DENND10: variants seen among roughly 807,000 people sequenced by gnomAD.
DENND10 encodes DENN domain containing 10.
Under a neutral mutation model 43.6 loss-of-function variants are expected in DENND10, and 24 were observed. That is an observed-to-expected ratio of 0.55 (90% CI 0.40 to 0.77). The LOEUF (loss-of-function observed/expected upper bound fraction) is 0.77, where lower values mean the gene tolerates loss of function less well. Among genes scored for constraint, DENND10 ranks in the 30% least tolerant of loss-of-function variants. The pLI is 0.00. For synonymous variants in DENND10, 125 were observed against 157.6 expected (o/e 0.79, Z 1.55); for missense variants, 303 against 429.9 (o/e 0.70, Z 2.61).
Position 119,132,696 on chromosome 10 carries a change from G to A in DENND10, c.897+87G>A. On this transcript the variant is annotated intron_variant, in intron 8 of 8. Transcript: ENST00000361432. This position sits in a 1 kb window ranked among gnomAD's most constrained non-coding sequence, Gnocchi z 4.2. ...GCAGAGCTGTGCACATAAGCAGAGT[G>A]GGGGGCTGTGGTAGAGGCCAGCGGG... The A allele has an allele frequency of 1.8e-6, 2 of 1,084,352 alleles. No individual in the cohort carries two copies. Among genetic ancestry groups the A allele is most frequent in the East Asian group, 2.4e-5 (1 of 42,390 alleles). The allele number at this position is 1,084,352 out of a possible 1,614,324, so 67.2% of individuals were successfully genotyped here. A position where few individuals can be genotyped will look rare whatever the true frequency, so the allele number is the denominator to read the frequency against.
chr10:119,131,255 G>A (rs977944535), intron 7 of DENND10, among the ~76,000 whole-genome samples: 81 of 152,228 alleles, frequency 5.3e-4, no homozygotes, highest in Non-Finnish European at 2.4e-4. Context: ...TCAGGAGATC[G>A]GGACCAGCCT....
chr10:119,127,896 C>T (rs954260693), intron 6 of DENND10, among the ~76,000 whole-genome samples: 2 of 152,298 alleles, frequency 1.3e-5, no homozygotes, highest in East Asian at 1.9e-4. Context: ...TTCCAAAGTG[C>T]TGGGATTACA....
chr10:119,130,685 C>T (rs1241282667), intron 7 of DENND10, among the ~76,000 whole-genome samples: 1 of 152,148 alleles, frequency 6.6e-6, no homozygotes, highest in African/African-American at 2.4e-5. Context: ...TCACGATATC[C>T]CAGAGCCACA....
intron 1 of DENND10, among the ~76,000 whole-genome samples, chr10:119,107,724 AG>A (rs1844766234): frequency 6.6e-6 from 1 of 152,196 alleles, no homozygotes; most frequent in Non-Finnish European, 1.5e-5. Context: ...CATATCTCTA[AG>A]GCTGAATTTT....
chr10:119,132,782 G>T lies in DENND10; in HGVS notation c.897+173G>T. The stretch of plus-strand genomic sequence containing the variant: ...GATGATGGACAAGCAGGTGCAGGCT[G>T]GCCTGATCTAGTTAGTTACTGGGCT... On this transcript the variant is annotated intron_variant, in intron 8 of 8. Coordinates refer to ENST00000361432, the MANE Select transcript of DENND10 (RefSeq NM_207009.4). This position sits in a 1 kb window ranked among gnomAD's most constrained non-coding sequence, Gnocchi z 4.2. 1 of 628,398 alleles carries T rather than the reference G, an allele frequency of 1.6e-6. No individual in the cohort carries two copies. Among genetic ancestry groups the T allele is most frequent in the Non-Finnish European group, 2.9e-6 (1 of 350,762 alleles). 38.9% of individuals were successfully genotyped at this position (628,398 alleles called of 1,614,324 possible). A position where few individuals can be genotyped will look rare whatever the true frequency, so the allele number is the denominator to read the frequency against.
At chr10:119,135,791 T>TAAAAAAAAAAAAAAAAAAAAAAAAAAAAA (rs367836571) in intron 8 of DENND10, among the ~76,000 whole-genome samples, 5 of 64,020 alleles carry the variant, frequency 7.8e-5, no homozygotes, top group Admixed American at 2.5e-4. Flanking sequence ...ACTAAAATTG[T>TAAAAAAAAAAAAAAAAAAAAAAAAAAAAA]AAAAAAAAAA....
In DENND10 at chr10:119,132,387, A is replaced by C. The variant is rs184104422; in HGVS notation, c.803-128A>C. 1.9e-5 allele frequency: 14 copies of C among 725,560 alleles called. No individual in the cohort carries two copies. In the East Asian group the frequency reaches 2.7e-4, roughly 14 times the overall value. The allele number at this position is 725,560 out of a possible 1,614,324, so 44.9% of individuals were successfully genotyped here. A position where few individuals can be genotyped will look rare whatever the true frequency, so the allele number is the denominator to read the frequency against. ...TGTCATATTTGTGTCTAGTGATAAA[A>C]TGGACATGTGGGAGGTTATCAGCTG... On this transcript the variant is annotated intron_variant, in intron 7 of 8. Transcript: ENST00000361432. The surrounding 1 kb of genome is among the most constrained non-coding windows in gnomAD (Gnocchi z 4.2).
At position 119,132,909 on chromosome 10, in the gene DENND10, ATTCT is replaced by A; in HGVS notation, c.897+306_897+309del. The A allele has an allele frequency of 2.8e-6, 1 of 362,524 alleles. No individual in the cohort carries two copies. Among genetic ancestry groups the A allele is most frequent in the Admixed American group, 4.3e-5 (1 of 23,524 alleles). The allele number at this position is 362,524 out of a possible 1,614,324, so 22.5% of individuals were successfully genotyped here. On this transcript the variant is annotated intron_variant, in intron 8 of 8. Coordinates refer to ENST00000361432, the MANE Select transcript of DENND10 (RefSeq NM_207009.4). The surrounding 1 kb of genome is among the most constrained non-coding windows in gnomAD (Gnocchi z 4.2). ...AAGGCTTTTCTGGGCCAGCCAGTGCATTCTTTCTTCCTAGGAGAATTTCCCTGGA... is the reference window on the plus strand; with the variant it reads ...AAGGCTTTTCTGGGCCAGCCAGTGCATTCTTCCTAGGAGAATTTCCCTGGA...
rs1564798372 is a variant in DENND10 at position 119,129,499 on chromosome 10, C to T, written c.695-16C>T. The T allele has an allele frequency of 6.3e-7, 1 of 1,579,404 alleles. No homozygotes were observed. The highest frequency in any genetic ancestry group is 8.7e-7 in the Non-Finnish European group (1 of 1,148,416). On this transcript the variant is annotated splice_polypyrimidine_tract_variant and intron_variant, in intron 6 of 8. Transcript: ENST00000361432. ...TTCTTCCTACTCCAGTAAGGTTGCT[C>T]ATGTTTGTGATGCAGGTTACGTCGC... is the stretch of plus-strand genomic sequence containing the variant.
At position 119,120,386 on chromosome 10, in the gene DENND10, C is replaced by T. The variant is rs1394245750; in HGVS notation, c.527C>T (p.Ala176Val). ...FGMETVILHT[A>V]LMLKKRIVVY... ...ATGGAAACTGTTATCTTACACACAGCACTGATGCTAAAGAAAAGAATTGTG... is the reference window on the plus strand; with the variant it reads ...ATGGAAACTGTTATCTTACACACAGTACTGATGCTAAAGAAAAGAATTGTG... The change falls in exon 5 of 9, where the codon GCA becomes GTA. Residue 176 changes from alanine to valine, a missense_variant. Physicochemically the swap from Ala to Val is moderately conservative, Grantham distance 64. Coordinates refer to ENST00000361432, the MANE Select transcript of DENND10 (RefSeq NM_207009.4). The T allele has an allele frequency of 8.1e-6, 13 of 1,613,168 alleles. No individual in the cohort carries two copies. Among genetic ancestry groups the T allele is most frequent in the Non-Finnish European group, 1.1e-5 (13 of 1,179,114 alleles).
chr10:119,104,271 C>T, intron 1 of DENND10, 74 bp downstream of exon 1: 1 of 1,390,572 alleles, frequency 7.2e-7, no homozygotes, highest in Non-Finnish European at 9.5e-7. Context: ...CCGGGGCAGC[C>T]CGGGCTCCCG....
chr10:119,106,358 C>T (rs1319343893), intron 1 of DENND10, among the ~76,000 whole-genome samples: 1 of 152,124 alleles, frequency 6.6e-6, no homozygotes, highest in East Asian at 1.9e-4. Flanking sequence ...TATTTGTAGT[C>T]TTTAGAGACA....
intron 6 of DENND10, among the ~76,000 whole-genome samples, chr10:119,123,963 G>T (rs1334244368): frequency 6.6e-6 from 1 of 150,800 alleles, no homozygotes; most frequent in African/African-American, 2.4e-5. Context: ...AGGCCAAGGT[G>T]GGCAGATCAC....
chr10:119,109,510 T>C (rs1054608694), intron 2 of DENND10, among the ~76,000 whole-genome samples: 6 of 152,194 alleles, frequency 3.9e-5, no homozygotes, highest in Non-Finnish European at 7.3e-5. Context: ...GAATACCAGC[T>C]TAAATTTTAA....
At chr10:119,110,947 T>C (rs944154025) in intron 2 of DENND10, among the ~76,000 whole-genome samples, 5 of 152,108 alleles carry the variant, frequency 3.3e-5, no homozygotes, top group Non-Finnish European at 7.4e-5. Context: ...TTAGAATAAT[T>C]TGAATGTTTT....
chr10:119,117,463 CTG>C, intron 3 of DENND10, 54 bp from the exon 4 acceptor site: 1 of 1,578,656 alleles, frequency 6.3e-7, no homozygotes. Context: ...GGGTGCACAT[CTG>C]TACATGATTT....
chr10:119,123,968 G>A (rs1019138647), intron 6 of DENND10, among the ~76,000 whole-genome samples: 8 of 150,692 alleles, frequency 5.3e-5, no homozygotes, highest in Non-Finnish European at 8.8e-5. Flanking sequence ...AAGGTGGGCA[G>A]ATCACCTGAG....
chr10:119,104,193 G>A lies in DENND10; in HGVS notation c.51G>A (p.Leu17=), dbSNP rs1478538503. Residue 17 remains leucine, a synonymous_variant, in exon 1 of 9, where the codon CTG becomes CTA. Transcript: ENST00000361432. ...ADTQLMLGVG[L]IEKDTNGEVL... is the part of the protein sequence containing the mutation. ...CTCAGCTGATGCTTGGAGTCGGGCT[G>A]ATCGGTGAGGACGTAGGCGCCCTGC... 24 of 1,521,818 alleles carry A rather than the reference G, an allele frequency of 1.6e-5. No homozygotes were observed. The highest frequency in any genetic ancestry group is 1.8e-5 in the Non-Finnish European group (20 of 1,136,518). 94.3% of individuals were successfully genotyped at this position (1,521,818 alleles called of 1,614,324 possible). A position where few individuals can be genotyped will look rare whatever the true frequency, so the allele number is the denominator to read the frequency against.
At chr10:119,110,103 G>A (rs572329971) in intron 2 of DENND10, among the ~76,000 whole-genome samples, 32 of 152,010 alleles carry the variant, frequency 2.1e-4, no homozygotes, top group African/African-American at 7.5e-4. Flanking sequence ...GCGAGCCACC[G>A]CACCTGGCCA....
Sources: allele counts gnomAD v4.1 joint callset (sites outside exome capture counted in the v4.1 genomes callset), GRCh38; gene constraint gnomAD v4.1.1; non-coding constraint Gnocchi (gnomAD v3.1); transcripts MANE v1.5; gene names NCBI Gene and HGNC (gene_info 2026-07-23, HGNC 2026-07-21).